Variants in ADGRL3 observed in about 807,000 individuals in gnomAD.
ADGRL3 encodes the protein adhesion G protein-coupled receptor L3, also known as calcium-independent alpha-latrotoxin receptor 3.
Under a neutral mutation model 153.5 loss-of-function variants are expected in ADGRL3, and 62 were observed. The ratio of observed to expected loss-of-function variants is 0.40; its 90% CI spans 0.33 to 0.50. ADGRL3 has a LOEUF of 0.50. Among genes scored for constraint, ADGRL3 ranks in the 20% least tolerant of loss-of-function variants. The pLI is 0.47. For synonymous variants in ADGRL3, 710 were observed against 672.5 expected (o/e 1.06, Z -0.86); for missense variants, 1,641 against 1,859.4 (o/e 0.88, Z 2.16).
intron 21 of ADGRL3, among the ~76,000 whole-genome samples, chr4:62,022,213 C>T (rs1158297894): frequency 3.3e-5 from 5 of 152,172 alleles, no homozygotes; most frequent in African/African-American, 4.8e-5. Context: ...CCAATGTCAA[C>T]AATCTCTAAA....
chr4:61,344,912 G>A (rs1252852202), intron 1 of ADGRL3, among the ~76,000 whole-genome samples: 1 of 151,236 alleles, frequency 6.6e-6, no homozygotes, highest in Non-Finnish European at 1.5e-5. Context: ...TCTGCCTCCC[G>A]AGTAGCTGGG....
chr4:61,222,472 GT>G (rs1420063101), intron 1 of ADGRL3, among the ~76,000 whole-genome samples: 1 of 151,776 alleles, frequency 6.6e-6, no homozygotes, highest in Non-Finnish European at 1.5e-5. Flanking sequence ...ATAGCATTGG[GT>G]AAGACAAACT....
chr4:61,202,929 A>G lies in ADGRL3; in HGVS notation c.-240+1164A>G, dbSNP rs1010138374. Among the ~76,000 whole-genome samples the G allele has an allele frequency of 1.3e-5, 2 of 152,096 alleles. No homozygotes were observed. Among genetic ancestry groups the G allele is most frequent in the Admixed American group, 1.3e-4 (2 of 15,270 alleles). On this transcript the variant is annotated intron_variant, in intron 1 of 26. Transcript: ENST00000683033. The surrounding 1 kb of genome is among the most constrained non-coding windows in gnomAD (Gnocchi z 5.0). Reference sequence around the variant, plus strand: ...GCTGGAGCTGAGCTTGCTTATTGAAATCGCCTGGGATCCTCTTAACTGGAA... The same window carrying G: ...GCTGGAGCTGAGCTTGCTTATTGAAGTCGCCTGGGATCCTCTTAACTGGAA...
chr4:62,013,057 T>A (rs2099193878), intron 21 of ADGRL3, among the ~76,000 whole-genome samples: 1 of 152,144 alleles, frequency 6.6e-6, no homozygotes, highest in Non-Finnish European at 1.5e-5. Context: ...GTTTGGACAG[T>A]GCAAACATTT....
chr4:61,798,816 G>A (rs752347326), intron 8 of ADGRL3, among the ~76,000 whole-genome samples: 20 of 150,602 alleles, frequency 1.3e-4, no homozygotes, highest in Non-Finnish European at 2.7e-4. Context: ...ACAGGGTTTC[G>A]CCATGCCTGG....
intron 2 of ADGRL3, among the ~76,000 whole-genome samples, chr4:61,421,854 T>C (rs1365806219): frequency 6.6e-6 from 1 of 152,080 alleles, no homozygotes; most frequent in Non-Finnish European, 1.5e-5. Flanking sequence ...AGGAAAACTA[T>C]CCACAACATT....
intron 5 of ADGRL3, among the ~76,000 whole-genome samples, chr4:61,629,088 A>C (rs2093000205): frequency 6.6e-6 from 1 of 152,160 alleles, no homozygotes; most frequent in Non-Finnish European, 1.5e-5. Context: ...GCAGAGAAGC[A>C]GGGTGAGAAT....
intron 1 of ADGRL3, among the ~76,000 whole-genome samples, chr4:61,224,868 G>A (rs1356763196): frequency 6.6e-6 from 1 of 152,142 alleles, no homozygotes; most frequent in Non-Finnish European, 1.5e-5. Flanking sequence ...CTTCTGTAGG[G>A]GCGATGGAGC....
chr4:61,808,228 G>A (rs993424038), intron 8 of ADGRL3, among the ~76,000 whole-genome samples: 2 of 152,148 alleles, frequency 1.3e-5, no homozygotes, highest in African/African-American at 4.8e-5. Context: ...TCAATAGAGG[G>A]ACAGTGTTAT....
intron 2 of ADGRL3, among the ~76,000 whole-genome samples, chr4:61,411,389 T>C (rs552099882): frequency 2.0e-5 from 3 of 152,320 alleles, no homozygotes; most frequent in African/African-American, 7.2e-5. Flanking sequence ...ACAGAAATGA[T>C]GTAATATTCT....
intron 2 of ADGRL3, among the ~76,000 whole-genome samples, chr4:61,442,465 G>A (rs1004551245): frequency 6.6e-6 from 1 of 152,152 alleles, no homozygotes; most frequent in Non-Finnish European, 1.5e-5. Flanking sequence ...GTGACACACT[G>A]TAATTGTTAG....
At chr4:61,924,948 A>G (rs2098788182) in intron 13 of ADGRL3, among the ~76,000 whole-genome samples, 1 of 152,144 alleles carries the variant, frequency 6.6e-6, no homozygotes, top group African/African-American at 2.4e-5. Flanking sequence ...CAGTTCTAAG[A>G]TCATTTTTTC....
intron 1 of ADGRL3, among the ~76,000 whole-genome samples, chr4:61,377,608 A>G (rs1221391440): frequency 4.6e-5 from 7 of 150,642 alleles, no homozygotes; most frequent in Non-Finnish European, 1.0e-4. Flanking sequence ...TTTTCATAGC[A>G]TAAATAAATA....
intron 8 of ADGRL3, among the ~76,000 whole-genome samples, chr4:61,746,923 G>T (rs1403611713): frequency 2.0e-5 from 3 of 152,066 alleles, no homozygotes; most frequent in Non-Finnish European, 1.5e-5. Flanking sequence ...CCAGGAGCTG[G>T]TTTTTTGAAA....
chr4:62,007,964 G>A (rs920285535), intron 21 of ADGRL3, among the ~76,000 whole-genome samples: 2 of 152,140 alleles, frequency 1.3e-5, no homozygotes, highest in African/African-American at 4.8e-5. Context: ...GAAATCTACA[G>A]ATCCTGGAAG....
chr4:61,680,921 A>G (rs1017273833), intron 6 of ADGRL3, among the ~76,000 whole-genome samples: 1 of 152,022 alleles, frequency 6.6e-6, no homozygotes, highest in Non-Finnish European at 1.5e-5. Flanking sequence ...TTTGGAACAG[A>G]TGAATCAATA....
chr4:62,058,653 G>A (rs529964478), intron 25 of ADGRL3, among the ~76,000 whole-genome samples: 4 of 152,130 alleles, frequency 2.6e-5, no homozygotes, highest in East Asian at 3.9e-4. Context: ...ATTCACCATC[G>A]TATGTATGTC....
At chr4:61,592,232 G>A (rs1327308517) in intron 5 of ADGRL3, among the ~76,000 whole-genome samples, 3 of 152,130 alleles carry the variant, frequency 2.0e-5, no homozygotes, top group Non-Finnish European at 4.4e-5. Context: ...TTTTTCAATA[G>A]TGTGAGGAGG....
chr4:61,622,949 C>T (rs2092615978), intron 5 of ADGRL3, among the ~76,000 whole-genome samples: 3 of 152,092 alleles, frequency 2.0e-5, no homozygotes, highest in Non-Finnish European at 4.4e-5. Flanking sequence ...AATGAGAAAA[C>T]CACCTATTTC....
Sources: allele counts gnomAD v4.1 joint callset (sites outside exome capture counted in the v4.1 genomes callset), GRCh38; gene constraint gnomAD v4.1.1; non-coding constraint Gnocchi (gnomAD v3.1); transcripts MANE v1.5; gene names NCBI Gene and HGNC (gene_info 2026-07-23, HGNC 2026-07-21).